GLCCI1: variants seen among roughly 807,000 people sequenced by gnomAD.
GLCCI1 encodes the protein glucocorticoid-induced transcript 1 protein.
Under a neutral mutation model 52.2 loss-of-function variants are expected in GLCCI1, and 24 were observed. That is an observed-to-expected ratio of 0.46 (90% CI 0.33 to 0.65). The LOEUF (loss-of-function observed/expected upper bound fraction) is 0.65, where lower values mean the gene tolerates loss of function less well. Ranked by LOEUF, GLCCI1 falls within the 30% of genes least tolerant of loss-of-function variation. The pLI, the probability that GLCCI1 is intolerant of heterozygous loss-of-function variation, is 0.02. For synonymous variants in GLCCI1, 310 were observed against 276.5 expected (o/e 1.12, Z -1.20); for missense variants, 704 against 701.5 (o/e 1.00, Z -0.04).
intron 1 of GLCCI1, among the ~76,000 whole-genome samples, chr7:7,974,966 A>G (rs1780434066): frequency 6.6e-6 from 1 of 152,204 alleles, no homozygotes; most frequent in Non-Finnish European, 1.5e-5. Flanking sequence ...TAATTATTTT[A>G]ACGAGAGGTT....
At chr7:8,061,910 G>A (rs979314592) in intron 5 of GLCCI1, among the ~76,000 whole-genome samples, 2 of 151,712 alleles carry the variant, frequency 1.3e-5, no homozygotes, top group Non-Finnish European at 1.5e-5. Context: ...CAAGTGATCC[G>A]CCCACCTCGG....
chr7:8,069,651 C>G (rs1414884148), intron 5 of GLCCI1, among the ~76,000 whole-genome samples: 2 of 151,942 alleles, frequency 1.3e-5, no homozygotes, highest in African/African-American at 4.8e-5. Flanking sequence ...CCCTCGGCCT[C>G]TCTGTTTCTT....
At chr7:7,985,544 A>ATT (rs1780706264) in intron 1 of GLCCI1, among the ~76,000 whole-genome samples, 2 of 146,474 alleles carry the variant, frequency 1.4e-5, no homozygotes, top group South Asian at 2.2e-4. Flanking sequence ...TTTAAGTTAA[A>ATT]AAAAAACCAG....
intron 2 of GLCCI1, among the ~76,000 whole-genome samples, chr7:8,005,143 G>A (rs1314539928): frequency 6.6e-6 from 1 of 152,154 alleles, no homozygotes; most frequent in Non-Finnish European, 1.5e-5. Context: ...AAACTTAGAG[G>A]TGTGGGCCTG....
At chr7:7,987,515 A>G (rs1342321872) in intron 1 of GLCCI1, among the ~76,000 whole-genome samples, 7 of 152,108 alleles carry the variant, frequency 4.6e-5, no homozygotes, top group Admixed American at 4.6e-4. Context: ...GTATTTCTCT[A>G]CTTGAATGTT....
chr7:8,057,906 TGGAATATTTGTA>T (rs1782434208), intron 4 of GLCCI1, among the ~76,000 whole-genome samples: 1 of 152,202 alleles, frequency 6.6e-6, no homozygotes, highest in Non-Finnish European at 1.5e-5. Context: ...CTATACATAC[TGGAATATTTGTA>T]GGTGGAATAT....
chr7:8,055,643 T>A, intron 4 of GLCCI1, 94 bp downstream of exon 4: 1 of 786,126 alleles, frequency 1.3e-6, no homozygotes, highest in Non-Finnish European at 2.2e-6. Context: ...CCCATAAATA[T>A]TTAGCTCTAC....
At chr7:7,985,942 A>G (rs564567707) in intron 1 of GLCCI1, among the ~76,000 whole-genome samples, 5 of 152,304 alleles carry the variant, frequency 3.3e-5, no homozygotes, top group East Asian at 3.9e-4. Flanking sequence ...CTGCATTTCT[A>G]TTGGCTGGAA....
At chr7:7,982,177 T>C (rs776941668) in intron 1 of GLCCI1, 9 of 293,176 alleles carry the variant, frequency 3.1e-5, no homozygotes, top group African/African-American at 1.4e-4. Flanking sequence ...AAAAAGAGAC[T>C]GAAGCAGAAA....
intron 1 of GLCCI1, among the ~76,000 whole-genome samples, chr7:7,997,754 C>G (rs1193523108): frequency 6.6e-6 from 1 of 151,874 alleles, no homozygotes; most frequent in African/African-American, 2.4e-5. Context: ...ATAGTGAAAC[C>G]CTGTCTCTAC....
chr7:7,997,741 A>C (rs891053424), intron 1 of GLCCI1, among the ~76,000 whole-genome samples: 4 of 152,108 alleles, frequency 2.6e-5, no homozygotes, highest in African/African-American at 4.8e-5. Flanking sequence ...CAGCCTGGCC[A>C]ACATAGTGAA....
At chr7:7,998,443 T>A (rs1780987478) in intron 1 of GLCCI1, among the ~76,000 whole-genome samples, 2 of 152,352 alleles carry the variant, frequency 1.3e-5, no homozygotes, top group Admixed American at 1.3e-4. Flanking sequence ...CTCAATCTCC[T>A]GACCTCAGGT....
intron 6 of GLCCI1, among the ~76,000 whole-genome samples, chr7:8,081,476 TTA>T (rs1255613675): frequency 1.2e-4 from 18 of 152,194 alleles, no homozygotes; most frequent in Middle Eastern, 3.2e-3. Flanking sequence ...GAATCAACCT[TTA>T]TATATGTGAT....
chr7:8,051,962 G>T (rs1039376937), intron 3 of GLCCI1, among the ~76,000 whole-genome samples: 3 of 152,264 alleles, frequency 2.0e-5, no homozygotes, highest in Non-Finnish European at 2.9e-5. Flanking sequence ...AAGATGAAAA[G>T]AATTATAGCT....
At chr7:8,054,930 T>TATTA (rs1782351686) in intron 3 of GLCCI1, among the ~76,000 whole-genome samples, 1 of 151,914 alleles carries the variant, frequency 6.6e-6, no homozygotes, top group African/African-American at 2.4e-5. Flanking sequence ...ATATATTAAA[T>TATTA]ATTAATAAGT....
At chr7:8,000,522 A>G (rs1201424627) in intron 1 of GLCCI1, among the ~76,000 whole-genome samples, 3 of 152,212 alleles carry the variant, frequency 2.0e-5, no homozygotes, top group Admixed American at 2.0e-4. Flanking sequence ...AACAATAAAT[A>G]TAAGTGGGAT....
intron 5 of GLCCI1, among the ~76,000 whole-genome samples, chr7:8,061,659 T>A (rs1304746783): frequency 4.4e-5 from 1 of 22,622 alleles, no homozygotes. Flanking sequence ...ATTGAACTCT[T>A]TTTTTTTTTT....
At chr7:8,078,061 C>A (rs996201943) in intron 6 of GLCCI1, among the ~76,000 whole-genome samples, 1 of 151,710 alleles carries the variant, frequency 6.6e-6, no homozygotes, top group East Asian at 1.9e-4. Flanking sequence ...GGTGAAACCC[C>A]GTCTCTACTA....
At chr7:8,071,214 TTTTC>T in intron 6 of GLCCI1, 83 bp downstream of exon 6, 2 of 1,117,464 alleles carry the variant, frequency 1.8e-6, no homozygotes, top group Non-Finnish European at 2.6e-6. Flanking sequence ...ATCTTTTTTT[TTTTC>T]TTTTGTTCAA....
Sources: gnomAD v4.1 joint callset for allele counts (sites outside exome capture counted in the v4.1 genomes callset) on GRCh38, gnomAD v4.1.1 for gene constraint, MANE v1.5 for transcripts, NCBI Gene and HGNC (gene_info 2026-07-23, HGNC 2026-07-21) for gene names.